The following CAMK1D variants were observed in gnomAD, a reference collection of about 807,000 sequenced individuals.
CAMK1D encodes calcium/calmodulin dependent protein kinase ID.
A neutral mutation model predicts 47.7 loss-of-function variants in CAMK1D; 9 were observed. The ratio of observed to expected loss-of-function variants is 0.19; its 90% CI spans 0.11 to 0.33. The LOEUF (loss-of-function observed/expected upper bound fraction) is 0.33, where lower values mean the gene tolerates loss of function less well. Among genes scored for constraint, CAMK1D ranks in the 10% least tolerant of loss-of-function variants. The probability of loss-of-function intolerance (pLI) is 1.00; values close to 1 mark genes in which losing one functional copy is unlikely to be tolerated. For synonymous variants in CAMK1D, 184 were observed against 184.9 expected, an observed-to-expected ratio of 0.99 and a Z score of 0.04; for missense variants, 291 against 488.7, an observed-to-expected ratio of 0.60 and a Z score of 3.81.
chr10:12,641,738 CA>C (rs1390228737), intron 2 of CAMK1D, among the ~76,000 whole-genome samples: 1 of 152,058 alleles, frequency 6.6e-6, no homozygotes, highest in Non-Finnish European at 1.5e-5. Flanking sequence ...GATGAGTGTT[CA>C]AAACCTTAAG....
intron 3 of CAMK1D, among the ~76,000 whole-genome samples, chr10:12,676,805 TA>T (rs1284363860): frequency 6.6e-6 from 1 of 152,200 alleles, no homozygotes; most frequent in African/African-American, 2.4e-5. Flanking sequence ...ATTCAAGAAG[TA>T]TTTAAAAAGC....
intron 3 of CAMK1D, among the ~76,000 whole-genome samples, chr10:12,691,403 AAATATATATATATATATATT>A (rs1832912867): frequency 2.8e-4 from 2 of 7,098 alleles, no homozygotes; most frequent in African/African-American, 5.2e-4. Context: ...ATATATATAT[AAATATATATATATATATATT>A]TTTTTTTTTT....
chr10:12,437,147 A>ATCTG (rs1489354980), intron 1 of CAMK1D, among the ~76,000 whole-genome samples: 1 of 149,900 alleles, frequency 6.7e-6, no homozygotes, highest in African/African-American at 2.5e-5. Context: ...CTATCTATCT[A>ATCTG]TCTGTCTATC....
At chr10:12,412,266 C>T (rs1399516742) in intron 1 of CAMK1D, among the ~76,000 whole-genome samples, 2 of 151,974 alleles carry the variant, frequency 1.3e-5, no homozygotes, top group Non-Finnish European at 2.9e-5. Flanking sequence ...GCCTCCGCTT[C>T]CCGTAGCCTG....
intron 1 of CAMK1D, among the ~76,000 whole-genome samples, chr10:12,539,553 G>A (rs1836096148): frequency 6.6e-6 from 1 of 152,234 alleles, no homozygotes; most frequent in East Asian, 1.9e-4. Context: ...CATGTTGGAT[G>A]TTTGTAGCAG....
Position 12,830,825 on chromosome 10 carries a change from CAGTCATGGGAAGTCCTGTTGGTTG to C in CAMK1D, c.*1945_*1968del, listed in dbSNP as rs60163353. The C allele has an allele frequency of 0.39, 59,449 of 151,330 alleles. 11,813 individuals are homozygous for C. Among genetic ancestry groups the C allele is most frequent in the South Asian group, 0.48 (2,302 of 4,776 alleles). The allele number at this position is 151,330 out of a possible 1,614,324, so 9.4% of individuals were successfully genotyped here. On this transcript the variant is annotated 3_prime_UTR_variant, in exon 11 of 11. Transcript: ENST00000619168. ...CTCATGCCCTCTTCCTCTGGCTGGC[CAGTCATGGGAAGTCCTGTTGGTTG>C]AGTCATCTTTGTCACTTCTACACCT...
chr10:12,560,553 CG>C (rs112437946), intron 2 of CAMK1D, among the ~76,000 whole-genome samples: 10,268 of 107,206 alleles, frequency 0.096, 595 homozygotes, highest in African/African-American at 0.17. Flanking sequence ...AACTCTATCT[CG>C]GAAAAAAAAA....
chr10:12,591,267 A>T (rs1396932297), intron 2 of CAMK1D, among the ~76,000 whole-genome samples: 2 of 152,216 alleles, frequency 1.3e-5, no homozygotes, highest in African/African-American at 2.4e-5. Flanking sequence ...TAACCCCTGT[A>T]GCAATTGGCC....
At chr10:12,544,896 G>A (rs567095607) in intron 1 of CAMK1D, among the ~76,000 whole-genome samples, 1 of 152,264 alleles carries the variant, frequency 6.6e-6, no homozygotes, top group African/African-American at 2.4e-5. Flanking sequence ...AGTGTTGAGT[G>A]GATGGTACTA....
At chr10:12,678,089 C>A (rs1840872709) in intron 3 of CAMK1D, among the ~76,000 whole-genome samples, 1 of 151,810 alleles carries the variant, frequency 6.6e-6, no homozygotes, top group Middle Eastern at 3.5e-3. Context: ...TATGAAGTTG[C>A]CAGTACATAA....
rs557914812 is a variant in CAMK1D, at chr10:12,594,163, A to T, written c.224+40807A>T. Among the ~76,000 whole-genome samples, 9 of 152,298 alleles carry T rather than the reference A, an allele frequency of 5.9e-5. No homozygotes were observed. In the East Asian group the frequency reaches 1.7e-3, roughly 29 times the overall value. On this transcript the variant is annotated intron_variant, in intron 2 of 10. Coordinates refer to ENST00000619168, the MANE Select transcript of CAMK1D (RefSeq NM_153498.4). ...TGCACTCTAATAACACAATCATGGG[A>T]GTGAAGTTCTGTCATTATAAGAGGT...
At chr10:12,804,461 A>G (rs1838625549) in intron 6 of CAMK1D, among the ~76,000 whole-genome samples, 1 of 152,056 alleles carries the variant, frequency 6.6e-6, no homozygotes, top group South Asian at 2.1e-4. Context: ...TAAACATACA[A>G]AAATTAGCCA....
intron 2 of CAMK1D, among the ~76,000 whole-genome samples, chr10:12,571,186 C>A (rs1837312402): frequency 6.6e-6 from 1 of 151,718 alleles, no homozygotes; most frequent in Non-Finnish European, 1.5e-5. Context: ...GTGGCTCATG[C>A]CTGTAATCTC....
intron 3 of CAMK1D, among the ~76,000 whole-genome samples, chr10:12,694,241 T>TAATATATATTATACATAATATAA (rs1554811676): frequency 0.74 from 12,644 of 17,196 alleles, 5,677 homozygotes; most frequent in Non-Finnish European, 0.85. Flanking sequence ...GTATAATATA[T>TAATATATATTATACATAATATAA]AATATATATT....
chr10:12,765,105 C>T lies in CAMK1D; in HGVS notation c.438+4019C>T, dbSNP rs77022311. ...GAGAGACTCCATCTCAAAAAAAAAC[C>T]TCATTGGAAGCATCCTTCAGTGCAC... On this transcript the variant is annotated intron_variant, in intron 4 of 10. Transcript: ENST00000619168. Among the ~76,000 whole-genome samples, 703 of 152,132 alleles carry T rather than the reference C, an allele frequency of 4.6e-3. 6 individuals are homozygous for T. The highest frequency in any genetic ancestry group is 0.016 in the African/African-American group (651 of 41,512).
intron 3 of CAMK1D, among the ~76,000 whole-genome samples, chr10:12,708,545 C>A (rs998902554): frequency 1.3e-5 from 2 of 152,144 alleles, no homozygotes; most frequent in Non-Finnish European, 2.9e-5. Flanking sequence ...CCATAATATA[C>A]TTTTGCACTT....
chr10:12,504,129 C>CTGTGTGTG (rs375226417), intron 1 of CAMK1D, among the ~76,000 whole-genome samples: 1 of 146,440 alleles, frequency 6.8e-6, no homozygotes, highest in African/African-American at 2.5e-5. Context: ...GTGTGTGTGT[C>CTGTGTGTG]TGTGTGTGTG....
intron 1 of CAMK1D, among the ~76,000 whole-genome samples, chr10:12,441,803 G>GA (rs1832793113): frequency 2.0e-5 from 3 of 151,824 alleles, no homozygotes; most frequent in Non-Finnish European, 4.4e-5. Context: ...TGTCTCAAAA[G>GA]AAAAAGTAAA....
At chr10:12,445,216 C>G (rs1367971945) in intron 1 of CAMK1D, among the ~76,000 whole-genome samples, 1 of 152,176 alleles carries the variant, frequency 6.6e-6, no homozygotes, top group African/African-American at 2.4e-5. Context: ...TGTGTCCGAT[C>G]CTCCCTTCCC....
Sources: gnomAD v4.1 joint callset for allele counts (sites outside exome capture counted in the v4.1 genomes callset) on GRCh38, gnomAD v4.1.1 for gene constraint, MANE v1.5 for transcripts, NCBI Gene and HGNC (gene_info 2026-07-23, HGNC 2026-07-21) for gene names.